The following VPS13A variants were observed in gnomAD, a reference collection of about 807,000 sequenced individuals.
The protein encoded by VPS13A is vacuolar protein sorting 13 homolog A.
VPS13A carries 264 observed loss-of-function variants against 390.9 expected under a neutral mutation model. That is an observed-to-expected ratio of 0.68 (90% CI 0.61 to 0.75). The LOEUF is 0.75. VPS13A is among the 30% of genes least tolerant of loss of function. The pLI is 0.00. For missense variants in VPS13A, 3,409 were observed against 3,733.9 expected (o/e 0.91, Z 2.27); for synonymous variants, 1,231 against 1,227.1 (o/e 1.00, Z -0.07).
At chr9:77,284,697 AT>A (rs1355695560) in intron 31 of VPS13A, among the ~76,000 whole-genome samples, 1 of 151,770 alleles carries the variant, frequency 6.6e-6, no homozygotes, top group Non-Finnish European at 1.5e-5. Context: ...CTGTAATTTT[AT>A]TTTATTTTAT....
chr9:77,274,358 G>A (rs927815641), intron 24 of VPS13A, among the ~76,000 whole-genome samples: 1 of 151,454 alleles, frequency 6.6e-6, no homozygotes. Context: ...AACCCAGGAG[G>A]CGGAGGTTGC....
Position 77,177,591 on chromosome 9 carries a change from A to T in VPS13A, c.-114A>T, listed in dbSNP as rs1823708476. The T allele has an allele frequency of 2.1e-6, 2 of 957,916 alleles. No individual in the cohort carries two copies. Among genetic ancestry groups the T allele is most frequent in the East Asian group, 2.6e-5 (1 of 37,756 alleles). The allele number at this position is 957,916 out of a possible 1,614,324, so 59.3% of individuals were successfully genotyped here. Reference sequence around the variant, plus strand: ...CGCGTTGGGCCAGCGGGGGCGCCGCAGCTGAAGCCGCCCCGGAGCCGGTGA... The same window carrying T: ...CGCGTTGGGCCAGCGGGGGCGCCGCTGCTGAAGCCGCCCCGGAGCCGGTGA... On this transcript the variant is annotated 5_prime_UTR_variant, in exon 1 of 72. Coordinates refer to ENST00000360280, the MANE Select transcript of VPS13A (RefSeq NM_033305.3).
chr9:77,237,529 T>C (rs77038237), intron 17 of VPS13A, among the ~76,000 whole-genome samples: 2,818 of 152,098 alleles, frequency 0.019, 84 homozygotes, highest in African/African-American at 0.065. Flanking sequence ...CACACCTGGC[T>C]AACTTTTGTA....
chr9:77,241,257 T>C (rs927321684), intron 19 of VPS13A, among the ~76,000 whole-genome samples: 3 of 152,160 alleles, frequency 2.0e-5, no homozygotes, highest in African/African-American at 7.2e-5. Context: ...TTCTTCTAAT[T>C]TATCTTCTCA....
intron 22 of VPS13A, among the ~76,000 whole-genome samples, chr9:77,255,719 T>A (rs1172013186): frequency 6.6e-6 from 1 of 152,146 alleles, no homozygotes; most frequent in Non-Finnish European, 1.5e-5. Flanking sequence ...TGTTTCTTCA[T>A]AATTCAGTGT....
chr9:77,252,556 G>A (rs1286431988), intron 22 of VPS13A, among the ~76,000 whole-genome samples: 4 of 152,108 alleles, frequency 2.6e-5, no homozygotes, highest in African/African-American at 9.7e-5. Context: ...GTTCACGCAT[G>A]TTGTTATGCA....
chr9:77,276,268 G>T (rs1291672776), intron 26 of VPS13A, 47 bp downstream of exon 26: 13 of 1,476,376 alleles, frequency 8.8e-6, no homozygotes, highest in Non-Finnish European at 1.2e-5. Context: ...TTCATTGTTT[G>T]ACTACCTGCT....
chr9:77,402,344 A>G (rs1834428225), intron 68 of VPS13A, among the ~76,000 whole-genome samples: 2 of 152,182 alleles, frequency 1.3e-5, no homozygotes, highest in Non-Finnish European at 2.9e-5. Context: ...TCTAAGCTAA[A>G]TAATTTTAGT....
intron 19 of VPS13A, among the ~76,000 whole-genome samples, chr9:77,239,784 C>T (rs573550750): frequency 7.2e-5 from 11 of 151,792 alleles, no homozygotes; most frequent in Admixed American, 4.6e-4. Context: ...TTTTATTTTT[C>T]TTGCCTTCCT....
rs547927864 is a variant in VPS13A, at chr9:77,405,973, C to T, written c.9385C>T (p.Arg3129Cys). The change falls in exon 70 of 72, where the codon CGC becomes TGC. Residue 3129 changes from arginine to cysteine, a missense_variant. Around this residue, in one of 5 missense-constraint regions of VPS13A, gnomAD observed 318 missense variants for 333.7 expected, o/e 0.95. Coordinates refer to ENST00000360280, the MANE Select transcript of VPS13A (RefSeq NM_033305.3). ...EPFIVHGRRLRIEAKERVKSV... is the reference protein window; with the variant it reads ...EPFIVHGRRLCIEAKERVKSV... ...ATTCATTGTTCATGGGAGAAGATTG[C>T]GCATTGAAGCAAAGGTATGTTGAAT... 4.3e-6 allele frequency: 7 copies of T among 1,613,642 alleles called. No individual in the cohort carries two copies. Among genetic ancestry groups the T allele is most frequent in the African/African-American group, 2.7e-5 (2 of 74,978 alleles).
intron 1 of VPS13A, among the ~76,000 whole-genome samples, chr9:77,190,396 G>C (rs1824603041): frequency 6.6e-6 from 1 of 152,166 alleles, no homozygotes; most frequent in Non-Finnish European, 1.5e-5. Context: ...CACACTTATT[G>C]ATTTGTGTAT....
At chr9:77,414,582 C>A (rs1456454790) in intron 71 of VPS13A, among the ~76,000 whole-genome samples, 12 of 151,596 alleles carry the variant, frequency 7.9e-5, no homozygotes, top group Admixed American at 4.0e-4. Flanking sequence ...CACACCAGGG[C>A]CTGTTATGGG....
intron 71 of VPS13A, among the ~76,000 whole-genome samples, chr9:77,412,144 C>T (rs1834964858): frequency 1.3e-5 from 2 of 152,174 alleles, no homozygotes; most frequent in African/African-American, 4.8e-5. Context: ...GATGGATTCA[C>T]AGCCGAATTC....
At chr9:77,207,252 T>TATATATATA in intron 5 of VPS13A, among the ~76,000 whole-genome samples, 2 of 87,272 alleles carry the variant, frequency 2.3e-5, no homozygotes, top group African/African-American at 8.1e-5. Flanking sequence ...TATATATATA[T>TATATATATA]AAAACGTGTT....
intron 1 of VPS13A, among the ~76,000 whole-genome samples, chr9:77,181,324 TGTG>T (rs1403158116): frequency 1.3e-5 from 2 of 151,794 alleles, no homozygotes; most frequent in Non-Finnish European, 2.9e-5. Flanking sequence ...GCCTGGCCAA[TGTG>T]GTGAAACCTC....
chr9:77,273,376 C>T lies in VPS13A; in HGVS notation c.2512+12C>T. On this transcript the variant is annotated intron_variant, in intron 24 of 71. Transcript: ENST00000360280. ...TGTTTCTGAAGATGGTAAAATGAAA[C>T]TGCTTAAGGATATTTTTCTTATTTT... 6.3e-7 allele frequency: 1 copy of T among 1,585,414 alleles called. No homozygotes were observed. Among genetic ancestry groups the T allele is most frequent in the Non-Finnish European group, 8.6e-7 (1 of 1,160,248 alleles).
intron 17 of VPS13A, among the ~76,000 whole-genome samples, chr9:77,228,673 G>A (rs548344355): frequency 2.6e-5 from 4 of 151,972 alleles, no homozygotes; most frequent in South Asian, 4.2e-4. Context: ...GTATATTTAC[G>A]AAGCTGTACA....
Position 77,322,109 on chromosome 9 carries a change from G to A in VPS13A, c.5830+363G>A, listed in dbSNP as rs187066398. Among the ~76,000 whole-genome samples, 4 of 151,632 alleles carry A rather than the reference G, an allele frequency of 2.6e-5. No individual in the cohort carries two copies. The East Asian group carries it at 7.7e-4, about 29-fold the overall frequency. On this transcript the variant is annotated intron_variant, in intron 44 of 71. Transcript: ENST00000360280. ...TATTCACATTTGGTATCCGTTGATA[G>A]TATTCCACCAGTTTTGCAACTGAAA...
chr9:77,246,372 A>G (rs1027029773), intron 19 of VPS13A, among the ~76,000 whole-genome samples: 2 of 152,258 alleles, frequency 1.3e-5, no homozygotes, highest in East Asian at 3.9e-4. Flanking sequence ...GTACATTAAA[A>G]TTGTTGACAT....
Sources: gnomAD v4.1 joint callset for allele counts (sites outside exome capture counted in the v4.1 genomes callset) on GRCh38, gnomAD v4.1.1 for gene constraint, gnomAD v4.1.1 regional missense constraint, MANE v1.5 for transcripts, NCBI Gene and HGNC (gene_info 2026-07-23, HGNC 2026-07-21) for gene names.